DOK5: variants seen among roughly 807,000 people sequenced by gnomAD.
DOK5 encodes downstream of tyrosine kinase 5.
Under a neutral mutation model 43.3 loss-of-function variants are expected in DOK5, and 27 were observed. The observed-to-expected ratio is 0.62, with a 90% CI of 0.46 to 0.86. The LOEUF (loss-of-function observed/expected upper bound fraction) is 0.86, where lower values mean the gene tolerates loss of function less well. Among genes scored for constraint, DOK5 ranks in the 40% least tolerant of loss-of-function variants. DOK5 has a pLI of 0.00. For missense variants in DOK5, 373 were observed against 392.9 expected (o/e 0.95, Z 0.43); for synonymous variants, 146 against 140.1 (o/e 1.04, Z -0.30).
At position 54,609,612 on chromosome 20, in the gene DOK5, C is replaced by T. The variant is rs8121446; in HGVS notation, c.600-776C>T. On this transcript the variant is annotated intron_variant, in intron 5 of 7. Coordinates refer to ENST00000262593, the MANE Select transcript of DOK5 (RefSeq NM_018431.5). ...GAGCATATATATACACATACATATA[C>T]TAAAATATATTTAAGTAAAAAGCAT... is the stretch of plus-strand genomic sequence containing the variant. Among the ~76,000 whole-genome samples the T allele has an allele frequency of 5.0e-3, 760 of 151,744 alleles. 2 individuals are homozygous for T. The highest frequency in any genetic ancestry group is 0.017 in the African/African-American group (708 of 41,394).
intron 2 of DOK5, among the ~76,000 whole-genome samples, chr20:54,560,954 C>T (rs1173346627): frequency 6.6e-6 from 1 of 152,142 alleles, no homozygotes; most frequent in Non-Finnish European, 1.5e-5. Flanking sequence ...TTCTGTGGCT[C>T]ATTGTACAGC....
chr20:54,482,227 G>A (rs369457596), intron 1 of DOK5, among the ~76,000 whole-genome samples: 1 of 152,288 alleles, frequency 6.6e-6, no homozygotes, highest in East Asian at 1.9e-4. Flanking sequence ...CACTGGACTA[G>A]GAGGTATTTT....
chr20:54,615,003 C>T (rs769135202), intron 6 of DOK5, among the ~76,000 whole-genome samples: 6 of 152,204 alleles, frequency 3.9e-5, no homozygotes, highest in Non-Finnish European at 8.8e-5. Flanking sequence ...TGCTGACTTG[C>T]TTCTATGAGA....
chr20:54,522,564 G>C (rs534806769), intron 1 of DOK5, among the ~76,000 whole-genome samples: 2 of 149,586 alleles, frequency 1.3e-5, no homozygotes, highest in Non-Finnish European at 3.0e-5. Context: ...CTGTTGTCCA[G>C]GCTGGAGTGC....
intron 6 of DOK5, among the ~76,000 whole-genome samples, chr20:54,626,561 T>C (rs1416328932): frequency 3.3e-5 from 5 of 152,312 alleles, no homozygotes; most frequent in Middle Eastern, 3.4e-3. Context: ...ACATGCATTT[T>C]CCCCCTCCTG....
chr20:54,483,009 A>G (rs1451031031), intron 1 of DOK5, among the ~76,000 whole-genome samples: 1 of 152,200 alleles, frequency 6.6e-6, no homozygotes, highest in African/African-American at 2.4e-5. Flanking sequence ...TTTTGGCTTC[A>G]TTTGAATCAG....
At chr20:54,573,863 G>A (rs1287327503) in intron 2 of DOK5, among the ~76,000 whole-genome samples, 3 of 152,094 alleles carry the variant, frequency 2.0e-5, no homozygotes, top group African/African-American at 7.2e-5. Flanking sequence ...CAGAACTTCA[G>A]TGTGCAGCTT....
chr20:54,530,215 C>G (rs1246277492), intron 1 of DOK5, among the ~76,000 whole-genome samples: 1 of 152,086 alleles, frequency 6.6e-6, no homozygotes, highest in Admixed American at 6.6e-5. Context: ...TCTATAAATC[C>G]TTTTTTACTA....
chr20:54,518,385 T>C (rs1983276560), intron 1 of DOK5, among the ~76,000 whole-genome samples: 1 of 152,090 alleles, frequency 6.6e-6, no homozygotes, highest in Non-Finnish European at 1.5e-5. Flanking sequence ...TTTGGTTTTT[T>C]GTCCTTGTGA....
At chr20:54,562,771 T>TA (rs147981684) in intron 2 of DOK5, among the ~76,000 whole-genome samples, 121 of 150,054 alleles carry the variant, frequency 8.1e-4, no homozygotes, top group African/African-American at 2.7e-3. Flanking sequence ...TACAGAAGGT[T>TA]AAAAAAAAAA....
At chr20:54,587,692 G>A (rs1027204465) in intron 2 of DOK5, among the ~76,000 whole-genome samples, 3 of 152,134 alleles carry the variant, frequency 2.0e-5, no homozygotes, top group Admixed American at 1.3e-4. Flanking sequence ...TGTGGGAAGG[G>A]AGGGGTTTAC....
chr20:54,476,038 C>A lies in DOK5; in HGVS notation c.66+26C>A, dbSNP rs762898036. The stretch of plus-strand genomic sequence containing the variant: ...GTGAGTATCGATCCTCTCCGTGTTG[C>A]TGTTCGCCGGTTCGATTGTCTCTCT... On this transcript the variant is annotated intron_variant, in intron 1 of 7. Transcript: ENST00000262593. 6 of 1,611,646 alleles carry A rather than the reference C, an allele frequency of 3.7e-6. No individual in the cohort carries two copies. The East Asian group carries it at 1.3e-4, about 36-fold the overall frequency.
intron 1 of DOK5, among the ~76,000 whole-genome samples, chr20:54,503,755 C>T (rs181982504): frequency 6.6e-6 from 1 of 152,282 alleles, no homozygotes; most frequent in Non-Finnish European, 1.5e-5. Context: ...TTCTTTTGCA[C>T]TTGTAGGAAC....
chr20:54,594,108 A>G (rs142689104), intron 5 of DOK5, among the ~76,000 whole-genome samples: 176 of 152,354 alleles, frequency 1.2e-3, no homozygotes, highest in African/African-American at 4.0e-3. Flanking sequence ...AAATTTACCT[A>G]TGTAACAAAC....
chr20:54,562,194 G>C (rs113501474), intron 2 of DOK5, among the ~76,000 whole-genome samples: 2,250 of 152,212 alleles, frequency 0.015, 45 homozygotes, highest in African/African-American at 0.051. Flanking sequence ...TGCAAAGTAG[G>C]TACTTTGGAT....
intron 2 of DOK5, among the ~76,000 whole-genome samples, chr20:54,563,597 A>G (rs1346019597): frequency 1.3e-5 from 2 of 148,320 alleles, no homozygotes; most frequent in Admixed American, 1.3e-4. Context: ...ACTGATTCTT[A>G]TATCAGTCTC....
chr20:54,551,993 A>G (rs995204410), intron 1 of DOK5, among the ~76,000 whole-genome samples: 1 of 152,098 alleles, frequency 6.6e-6, no homozygotes, highest in Non-Finnish European at 1.5e-5. Context: ...ACTCCCAGCT[A>G]ATTTTTATAT....
At chr20:54,524,362 C>T (rs1983512148) in intron 1 of DOK5, among the ~76,000 whole-genome samples, 1 of 152,146 alleles carries the variant, frequency 6.6e-6, no homozygotes, top group Non-Finnish European at 1.5e-5. Context: ...TGTTAAATGG[C>T]CCATTAGAAT....
At chr20:54,638,785 G>T (rs1371963383) in intron 6 of DOK5, among the ~76,000 whole-genome samples, 5 of 128,644 alleles carry the variant, frequency 3.9e-5, no homozygotes, top group African/African-American at 1.2e-4. Flanking sequence ...ACTGAGTCTC[G>T]CTCTTTTGCC....
Sources: gnomAD v4.1 joint callset for allele counts (sites outside exome capture counted in the v4.1 genomes callset) on GRCh38, gnomAD v4.1.1 for gene constraint, MANE v1.5 for transcripts, NCBI Gene and HGNC (gene_info 2026-07-23, HGNC 2026-07-21) for gene names.